PBX1: variants seen among roughly 807,000 people sequenced by gnomAD.
PBX1 encodes the protein pre-B-cell leukemia transcription factor 1.
In PBX1, 6 loss-of-function variants were observed where a neutral mutation model predicts 53.4. The ratio of observed to expected loss-of-function variants is 0.11; its 90% CI spans 0.06 to 0.22. PBX1 has a LOEUF of 0.22. PBX1 is among the 10% of genes least tolerant of loss of function. The pLI is 1.00. For synonymous variants in PBX1, 204 were observed against 212.3 expected (o/e 0.96, Z 0.34); for missense variants, 251 against 551.4 (o/e 0.46, Z 5.46).
intron 2 of PBX1, among the ~76,000 whole-genome samples, chr1:164,591,490 A>G (rs957700092): frequency 6.6e-6 from 1 of 152,164 alleles, no homozygotes; most frequent in Non-Finnish European, 1.5e-5. Flanking sequence ...AGTAGCACAA[A>G]CGGGTTCATG....
At chr1:164,652,309 C>T (rs577367844) in intron 2 of PBX1, among the ~76,000 whole-genome samples, 11 of 152,258 alleles carry the variant, frequency 7.2e-5, no homozygotes, top group African/African-American at 2.4e-4. Context: ...TTTAAATAAC[C>T]CCTGTGGGGG....
At position 164,696,255 on chromosome 1, in the gene PBX1, T is replaced by C. The variant is rs1166945692; in HGVS notation, c.266-96239T>C. Among the ~76,000 whole-genome samples the C allele has an allele frequency of 2.6e-5, 4 of 152,220 alleles. No individual in the cohort carries two copies. In the East Asian group the frequency reaches 7.7e-4, roughly 29 times the overall value. ...GGGAATGAAAAAGATCACACTTTTT[T>C]CAAAAAGTTTTTGAAAAAAAGAATG... is the stretch of plus-strand genomic sequence containing the variant. On this transcript the variant is annotated intron_variant, in intron 2 of 8. Coordinates refer to ENST00000420696, the MANE Select transcript of PBX1 (RefSeq NM_002585.4).
intron 2 of PBX1, among the ~76,000 whole-genome samples, chr1:164,709,677 A>G (rs1291670965): frequency 6.6e-6 from 1 of 152,074 alleles, no homozygotes; most frequent in East Asian, 1.9e-4. Context: ...TTGTTGGGAA[A>G]GTGGAAGAGC....
rs1369978212 is a variant in PBX1, at chr1:164,560,498, A to T, written c.191+485A>T. The stretch of plus-strand genomic sequence containing the variant: ...CTCCTTACCTAATTCAGCGAGTTTG[A>T]TTTTCTTTCTTGACTCTCCCGTCCA... On this transcript the variant is annotated intron_variant, in intron 1 of 8. Transcript: ENST00000420696. The T allele has an allele frequency of 3.3e-5, 9 of 276,770 alleles. No individual in the cohort carries two copies. In the East Asian group the frequency reaches 5.8e-4, roughly 18 times the overall value. 17.1% of individuals were successfully genotyped at this position (276,770 alleles called of 1,614,324 possible).
intron 8 of PBX1, among the ~76,000 whole-genome samples, chr1:164,833,156 A>G (rs1234616810): frequency 1.3e-5 from 2 of 152,160 alleles, no homozygotes; most frequent in East Asian, 3.9e-4. Context: ...AGTTCAGAGA[A>G]GGGAAAGCCA....
intron 2 of PBX1, among the ~76,000 whole-genome samples, chr1:164,581,884 A>G (rs769226749): frequency 2.0e-5 from 3 of 152,170 alleles, no homozygotes; most frequent in Non-Finnish European, 2.9e-5. Flanking sequence ...TTCTTGTGTT[A>G]CTTTCCTTAT....
intron 2 of PBX1, among the ~76,000 whole-genome samples, chr1:164,655,845 A>G (rs1660134576): frequency 6.6e-6 from 1 of 152,202 alleles, no homozygotes; most frequent in Non-Finnish European, 1.5e-5. Flanking sequence ...TATGATTGTC[A>G]TAGTCTAACA....
At chr1:164,778,627 A>G (rs1207258193) in intron 2 of PBX1, among the ~76,000 whole-genome samples, 3 of 135,556 alleles carry the variant, frequency 2.2e-5, no homozygotes, top group Non-Finnish European at 4.6e-5. Context: ...ACAGAGTGAG[A>G]CCCTTTCTCA....
downstream of PBX1, among the ~76,000 whole-genome samples, chr1:164,855,075 A>G (rs1433348606): frequency 6.6e-6 from 1 of 151,522 alleles, no homozygotes; most frequent in Non-Finnish European, 1.5e-5. Flanking sequence ...CAGCTACCCA[A>G]GTAGCTGGGA....
At chr1:164,770,680 C>A (rs1571372505) in intron 2 of PBX1, 1 of 152,182 alleles carries the variant, frequency 6.6e-6, no homozygotes, top group Admixed American at 6.6e-5. Flanking sequence ...CAGAGAATTT[C>A]CTTGAGCAAA....
intron 2 of PBX1, among the ~76,000 whole-genome samples, chr1:164,720,525 G>A (rs1387389): frequency 0.36 from 55,210 of 151,960 alleles, 10,612 homozygotes; most frequent in East Asian, 0.57. Context: ...CACAAAGGAA[G>A]CAATGCCCCT....
chr1:164,646,138 T>G (rs1336770816), intron 2 of PBX1, among the ~76,000 whole-genome samples: 1 of 152,206 alleles, frequency 6.6e-6, no homozygotes, highest in Non-Finnish European at 1.5e-5. Context: ...CTTGATGGCA[T>G]TTTGGTTATT....
intron 5 of PBX1, 116 bp from the exon 6 acceptor site, chr1:164,811,874 T>TATAAGC: frequency 3.1e-6 from 1 of 321,326 alleles, no homozygotes; most frequent in Non-Finnish European, 4.5e-6. Context: ...CAAATTATTA[T>TATAAGC]AGGATAAGAC....
At chr1:164,855,733 G>C (rs1286751817), downstream of PBX1, among the ~76,000 whole-genome samples, 1 of 152,166 alleles carries the variant, frequency 6.6e-6, no homozygotes, top group Non-Finnish European at 1.5e-5. Context: ...AATGCCAGTT[G>C]AGTACTATCA....
chr1:164,745,444 C>A (rs1571326243), intron 2 of PBX1, among the ~76,000 whole-genome samples: 1 of 152,074 alleles, frequency 6.6e-6, no homozygotes, highest in East Asian at 1.9e-4. Context: ...TATTTTTTCA[C>A]CAAAGTGCTC....
chr1:164,761,221 T>C (rs1666795749), intron 2 of PBX1, among the ~76,000 whole-genome samples: 1 of 152,214 alleles, frequency 6.6e-6, no homozygotes, highest in Non-Finnish European at 1.5e-5. Flanking sequence ...ATGTGTCTGC[T>C]CAGCTCACTA....
chr1:164,881,366 AAAGAAGGAAGGAAGGAAGGAAGGAAGG>A (rs1672648008), intron 2 of PBX1, among the ~76,000 whole-genome samples: 1 of 51,290 alleles, frequency 1.9e-5, no homozygotes, highest in African/African-American at 4.9e-5. Context: ...GGAAGGAGGA[AAAGAAGGAAGGAAGGAAGGAAGGAAGG>A]AAGGAGGAAA....
chr1:164,707,291 C>T lies in PBX1; in HGVS notation c.266-85203C>T, dbSNP rs192661074. On this transcript the variant is annotated intron_variant, in intron 2 of 8. Transcript: ENST00000420696. Reference sequence around the variant, plus strand: ...GTTATTTTATTTGGCAGTATTTCCACAGGAGGCCAGGAAGGAGAGCACTGA... The same window carrying T: ...GTTATTTTATTTGGCAGTATTTCCATAGGAGGCCAGGAAGGAGAGCACTGA... 5.9e-5 allele frequency among the ~76,000 whole-genome samples: 9 copies of T among 152,150 alleles called. No homozygotes were observed. The East Asian group carries it at 1.5e-3, about 26-fold the overall frequency.
At chr1:164,726,415 A>G (rs1188574080) in intron 2 of PBX1, among the ~76,000 whole-genome samples, 1 of 152,224 alleles carries the variant, frequency 6.6e-6, no homozygotes, top group African/African-American at 2.4e-5. Flanking sequence ...CCATGCAAAC[A>G]GTGATTAGCA....
Sources: allele counts gnomAD v4.1 joint callset (sites outside exome capture counted in the v4.1 genomes callset), GRCh38; gene constraint gnomAD v4.1.1; transcripts MANE v1.5; gene names NCBI Gene and HGNC (gene_info 2026-07-23, HGNC 2026-07-21).